TNRC6A: variants seen among roughly 807,000 people sequenced by gnomAD.
TNRC6A encodes the protein trinucleotide repeat containing adaptor 6A.
TNRC6A carries 44 observed loss-of-function variants against 221.2 expected under a neutral mutation model. The ratio of observed to expected loss-of-function variants is 0.20; its 90% CI spans 0.16 to 0.26. The LOEUF (loss-of-function observed/expected upper bound fraction) is 0.26, where lower values mean the gene tolerates loss of function less well. Ranked by LOEUF, TNRC6A falls within the 10% of genes least tolerant of loss-of-function variation. The probability of loss-of-function intolerance (pLI) is 1.00; values close to 1 mark genes in which losing one functional copy is unlikely to be tolerated. For missense variants in TNRC6A, 2,199 were observed against 2,404.4 expected (o/e 0.91, Z 1.79); for synonymous variants, 847 against 838.5 (o/e 1.01, Z -0.18).
At chr16:24,640,871 C>T (rs1195577099) in intron 1 of TNRC6A, 1 of 152,172 alleles carries the variant, frequency 6.6e-6, no homozygotes, top group Non-Finnish European at 1.5e-5. Flanking sequence ...AATGCAACCT[C>T]TTCCTTTCTC....
intron 1 of TNRC6A, among the ~76,000 whole-genome samples, chr16:24,615,889 T>C (rs1025766041): frequency 8.7e-6 from 1 of 115,316 alleles, no homozygotes; most frequent in African/African-American, 3.3e-5. Context: ...TACCCCTACA[T>C]GCTCTAAATT....
At chr16:24,797,008 T>C (rs887812447) in intron 9 of TNRC6A, among the ~76,000 whole-genome samples, 3 of 152,192 alleles carry the variant, frequency 2.0e-5, no homozygotes, top group Admixed American at 1.3e-4. Flanking sequence ...TTTAAAATAC[T>C]TTTTCATGTG....
chr16:24,745,801 C>T (rs939250094), intron 2 of TNRC6A, among the ~76,000 whole-genome samples: 4 of 146,870 alleles, frequency 2.7e-5, no homozygotes, highest in Non-Finnish European at 4.5e-5. Context: ...ACCATCCCCC[C>T]CCCCCCCAGC....
chr16:24,816,567 C>CGT (rs1215308914), intron 19 of TNRC6A: 7 of 429,666 alleles, frequency 1.6e-5, no homozygotes, highest in East Asian at 4.2e-5. Flanking sequence ...GTATATGTTA[C>CGT]GTGTGTGTGT....
chr16:24,774,338 TG>T (rs2057676432), intron 4 of TNRC6A, among the ~76,000 whole-genome samples: 1 of 152,250 alleles, frequency 6.6e-6, no homozygotes, highest in Admixed American at 6.5e-5. Context: ...ATTGTCTTGA[TG>T]TCTTTACTGG....
At chr16:24,707,670 A>G (rs2056123194) in intron 2 of TNRC6A, among the ~76,000 whole-genome samples, 1 of 152,228 alleles carries the variant, frequency 6.6e-6, no homozygotes, top group African/African-American at 2.4e-5. Flanking sequence ...AATTGCTCAT[A>G]AATACATAAA....
Position 24,729,810 on chromosome 16 carries a change from C to G in TNRC6A, c.-32C>G, listed in dbSNP as rs2056577504. 1 of 1,409,478 alleles carries G rather than the reference C, an allele frequency of 7.1e-7. No homozygotes were observed. The highest frequency in any genetic ancestry group is 9.3e-7 in the Non-Finnish European group (1 of 1,074,242). The allele number at this position is 1,409,478 out of a possible 1,614,324, so 87.3% of individuals were successfully genotyped here. A position where few individuals can be genotyped will look rare whatever the true frequency, so the allele number is the denominator to read the frequency against. On this transcript the variant is annotated 5_prime_UTR_variant, in exon 1 of 25. Coordinates refer to ENST00000395799, the MANE Select transcript of TNRC6A (RefSeq NM_014494.4). ...GCTTGAGGCTCGCGAGCCTCCTTCG[C>G]CGCGCCCCACTTGCTCGTGCACTTT...
intron 11 of TNRC6A, among the ~76,000 whole-genome samples, chr16:24,802,472 C>T (rs539230537): frequency 8.5e-5 from 13 of 152,216 alleles, no homozygotes; most frequent in East Asian, 5.8e-4. Context: ...TTGCTTGGGC[C>T]GGGGAGGCAC....
At position 24,679,938 on chromosome 16, in the gene TNRC6A, A is replaced by G. The variant is rs535186759; in HGVS notation, n.402+38929A>G. Among the ~76,000 whole-genome samples the G allele has an allele frequency of 2.0e-5, 3 of 152,326 alleles. No individual in the cohort carries two copies. In the South Asian group the frequency reaches 6.2e-4, roughly 32 times the overall value. ...GGATCTTTAAACAAGATTCAGAACA[A>G]TATTCACTCCAGGATATCATCCATG... On this transcript the variant is annotated intron_variant and non_coding_transcript_variant, in intron 2 of 2. Coordinates refer to the TNRC6A transcript ENST00000566108.
rs527303369 is a variant in TNRC6A at position 24,703,927 on chromosome 16, T to C, written n.403-46799T>C. On this transcript the variant is annotated intron_variant and non_coding_transcript_variant, in intron 2 of 2. Transcript: ENST00000566108. The stretch of plus-strand genomic sequence containing the variant: ...GGCGAAACCCCACCTCTACAAAAGA[T>C]AGAAAGATCAACTGGGCGTGGTGAT... Among the ~76,000 whole-genome samples the C allele has an allele frequency of 8.6e-5, 13 of 151,672 alleles. No individual in the cohort carries two copies. The South Asian group carries it at 2.3e-3, about 27-fold the overall frequency.
intron 2 of TNRC6A, among the ~76,000 whole-genome samples, chr16:24,700,912 A>G (rs942756713): frequency 1.3e-5 from 2 of 152,166 alleles, no homozygotes; most frequent in African/African-American, 2.4e-5. Context: ...CTTCACAGAC[A>G]TGTTTCTCTC....
intron 2 of TNRC6A, among the ~76,000 whole-genome samples, chr16:24,647,269 CA>C (rs1305949532): frequency 6.6e-6 from 1 of 152,098 alleles, no homozygotes; most frequent in East Asian, 1.9e-4. Flanking sequence ...AATTTTCTAA[CA>C]AAATTTTTAC....
intron 4 of TNRC6A, among the ~76,000 whole-genome samples, chr16:24,775,264 G>T (rs1198657062): frequency 2.0e-5 from 3 of 152,112 alleles, no homozygotes; most frequent in Non-Finnish European, 4.4e-5. Context: ...CCAATTATCA[G>T]TAAGAGACTC....
chr16:24,807,409 A>G (rs1596788604), intron 17 of TNRC6A, among the ~76,000 whole-genome samples: 1 of 152,178 alleles, frequency 6.6e-6, no homozygotes, highest in African/African-American at 2.4e-5. Flanking sequence ...CTTAAGTAGG[A>G]TATTAAGGGT....
At chr16:24,615,184 G>A (rs1900280873) in intron 1 of TNRC6A, among the ~76,000 whole-genome samples, 1 of 152,144 alleles carries the variant, frequency 6.6e-6, no homozygotes, top group Admixed American at 6.6e-5. Context: ...GGATCACATA[G>A]AGTAATTGAA....
intron 1 of TNRC6A, among the ~76,000 whole-genome samples, chr16:24,637,020 GT>G (rs966517554): frequency 1.3e-5 from 2 of 151,642 alleles, no homozygotes; most frequent in East Asian, 1.9e-4. Context: ...TGTTGCAGGG[GT>G]TTTTTTTGTT....
chr16:24,792,774 C>T (rs1011001780), intron 6 of TNRC6A, among the ~76,000 whole-genome samples: 2 of 146,658 alleles, frequency 1.4e-5, no homozygotes, highest in African/African-American at 2.5e-5. Context: ...AAGGGGTACA[C>T]TTGTGGCACA....
intron 2 of TNRC6A, among the ~76,000 whole-genome samples, chr16:24,695,729 T>C (rs570024916): frequency 6.6e-6 from 1 of 152,132 alleles, no homozygotes; most frequent in Admixed American, 6.5e-5. Context: ...TGGCCGTGTT[T>C]GTGGACATTC....
intron 1 of TNRC6A, among the ~76,000 whole-genome samples, chr16:24,636,170 G>A (rs1901628190): frequency 6.6e-6 from 1 of 152,146 alleles, no homozygotes; most frequent in African/African-American, 2.4e-5. Flanking sequence ...ATGTGTGCTG[G>A]ATTCTTTCTT....
Sources: gnomAD v4.1 joint callset for allele counts (sites outside exome capture counted in the v4.1 genomes callset) on GRCh38, gnomAD v4.1.1 for gene constraint, MANE v1.5 for transcripts, NCBI Gene and HGNC (gene_info 2026-07-23, HGNC 2026-07-21) for gene names.